Variants in DIP2C observed in about 807,000 individuals in gnomAD.
DIP2C encodes the protein disco-interacting protein 2 homolog C.
A neutral mutation model predicts 192.4 loss-of-function variants in DIP2C; 33 were observed. The observed-to-expected ratio is 0.17, with a 90% CI of 0.13 to 0.23. DIP2C has a LOEUF of 0.23. Ranked by LOEUF, DIP2C falls within the 10% of genes least tolerant of loss-of-function variation. DIP2C has a pLI of 1.00. For synonymous variants in DIP2C, 979 were observed against 864.1 expected (o/e 1.13, Z -2.33); for missense variants, 1,537 against 2,110.1 (o/e 0.73, Z 5.32).
rs1034602514 is a variant in DIP2C, at chr10:349,513, G to C, written c.2986-59C>G. 12 of 1,568,512 alleles carry C rather than the reference G, an allele frequency of 7.7e-6. No individual in the cohort carries two copies. The South Asian group carries it at 1.3e-4, about 18-fold the overall frequency. ...TTCCTTCAGCAGAGCAGCTTGCAGA[G>C]AGCGCGCACGCGTCATACAACTCAC... On this transcript the variant is annotated intron_variant, in intron 24 of 36. Transcript: ENST00000280886.
chr10:569,100 C>T (rs955076431), intron 1 of DIP2C, among the ~76,000 whole-genome samples: 1 of 152,144 alleles, frequency 6.6e-6, no homozygotes, highest in Non-Finnish European at 1.5e-5. Flanking sequence ...GTCTGCAAAC[C>T]ACAATCCCCG....
At chr10:337,516 TGTGTGCGTGC>T (rs1281732091) in intron 29 of DIP2C, among the ~76,000 whole-genome samples, 1 of 136,708 alleles carries the variant, frequency 7.3e-6, no homozygotes, top group Non-Finnish European at 1.6e-5. Context: ...AGTCTGTGTG[TGTGTGCGTGC>T]GTGTGTGTTG....
chr10:650,042 C>G, intron 1 of DIP2C: 1 of 696,614 alleles, frequency 1.4e-6, no homozygotes, highest in Non-Finnish European at 2.6e-6. Context: ...TGAGCCTTTC[C>G]TCCTGCATCT....
chr10:363,371 C>G lies in DIP2C; in HGVS notation c.2478-60G>C. 6.9e-7 allele frequency: 1 copy of G among 1,443,516 alleles called. No homozygotes were observed. The highest frequency in any genetic ancestry group is 9.6e-7 in the Non-Finnish European group (1 of 1,040,448). The allele number at this position is 1,443,516 out of a possible 1,614,324, so 89.4% of individuals were successfully genotyped here. On this transcript the variant is annotated intron_variant, in intron 20 of 36. Transcript: ENST00000280886. This position sits in a 1 kb window ranked among gnomAD's most constrained non-coding sequence, Gnocchi z 5.4. ...GGGGACGCTCATGCAGCCCTCCCTCCGCCATCAGGGGCTCCATAACCATCA... is the reference window on the plus strand; with the variant it reads ...GGGGACGCTCATGCAGCCCTCCCTCGGCCATCAGGGGCTCCATAACCATCA...
intron 10 of DIP2C, among the ~76,000 whole-genome samples, chr10:392,211 G>A (rs1001083441): frequency 4.6e-5 from 7 of 152,206 alleles, no homozygotes; most frequent in Admixed American, 3.9e-4. Flanking sequence ...AGGGGCAGAG[G>A]TGGGGCGACA....
intron 17 of DIP2C, among the ~76,000 whole-genome samples, chr10:376,923 C>T (rs1391632377): frequency 6.6e-6 from 1 of 152,092 alleles, no homozygotes. Context: ...CACAGACTTT[C>T]AAAAACACAA....
intron 1 of DIP2C, among the ~76,000 whole-genome samples, chr10:533,650 C>CAAAA (rs534651561): frequency 8.2e-6 from 1 of 122,622 alleles, no homozygotes; most frequent in Non-Finnish European, 1.8e-5. Context: ...AGATACCTAC[C>CAAAA]AAAAAAAAAA....
At chr10:420,646 C>T (rs1039648716) in intron 5 of DIP2C, among the ~76,000 whole-genome samples, 3 of 152,202 alleles carry the variant, frequency 2.0e-5, no homozygotes, top group Admixed American at 2.0e-4. Flanking sequence ...ATGGGATTTC[C>T]TATCTTATGC....
At chr10:391,046 A>T (rs1220686970) in intron 10 of DIP2C, among the ~76,000 whole-genome samples, 183 bp from the exon 11 acceptor site, 1 of 152,138 alleles carries the variant, frequency 6.6e-6, no homozygotes, top group Non-Finnish European at 1.5e-5. Context: ...CAGTGTCCTC[A>T]CGTGTAAAAC....
chr10:595,028 A>C (rs990793835), intron 1 of DIP2C, among the ~76,000 whole-genome samples: 1 of 152,228 alleles, frequency 6.6e-6, no homozygotes, highest in South Asian at 2.1e-4. Context: ...CCCAAGGTGC[A>C]GTGTGTCCGA....
chr10:657,250 ATGCTGGACCTGT>A (rs1856411783), intron 1 of DIP2C, among the ~76,000 whole-genome samples: 2 of 31,626 alleles, frequency 6.3e-5, no homozygotes, highest in African/African-American at 2.5e-4. Context: ...GCTGGACCTG[ATGCTGGACCTGT>A]CCCTGGACCT....
intron 1 of DIP2C, among the ~76,000 whole-genome samples, chr10:538,888 T>C (rs942794643): frequency 6.6e-6 from 1 of 152,192 alleles, no homozygotes; most frequent in Non-Finnish European, 1.5e-5. Context: ...TGTACATGAC[T>C]ACTAAGAACT....
At chr10:302,505 T>G (rs1956099503) in intron 32 of DIP2C, among the ~76,000 whole-genome samples, 1 of 152,120 alleles carries the variant, frequency 6.6e-6, no homozygotes, top group African/African-American at 2.4e-5. Context: ...GAGGATCATA[T>G]GAAACACTGA....
rs143369440 is a variant in DIP2C at position 509,392 on chromosome 10, C to T, written c.86-22862G>A. Reference sequence around the variant, plus strand: ...AGTATGTGAGCAGCTGGGATTCAACCAGGTCCTTCCCTGGATCCATCCGCG... The same window carrying T: ...AGTATGTGAGCAGCTGGGATTCAACTAGGTCCTTCCCTGGATCCATCCGCG... On this transcript the variant is annotated intron_variant, in intron 1 of 36. Coordinates refer to ENST00000280886, the MANE Select transcript of DIP2C (RefSeq NM_014974.3). 6.2e-3 allele frequency among the ~76,000 whole-genome samples: 947 copies of T among 152,316 alleles called. 9 individuals are homozygous for T. Among genetic ancestry groups the T allele is most frequent in the South Asian group, 8.9e-3 (43 of 4,832 alleles).
chr10:492,662 C>T (rs1472006609), intron 1 of DIP2C, among the ~76,000 whole-genome samples: 4 of 152,188 alleles, frequency 2.6e-5, no homozygotes, highest in African/African-American at 9.7e-5. Context: ...GAAAGAAACA[C>T]ATTTTAGACA....
At chr10:487,217 C>T (rs1844077406) in intron 1 of DIP2C, among the ~76,000 whole-genome samples, 1 of 152,232 alleles carries the variant, frequency 6.6e-6, no homozygotes, top group Non-Finnish European at 1.5e-5. Flanking sequence ...TTCCCATTCA[C>T]AAGCTCCAGC....
chr10:462,643 GAA>G (rs1412293124), intron 3 of DIP2C, among the ~76,000 whole-genome samples: 1 of 152,122 alleles, frequency 6.6e-6, no homozygotes, highest in Non-Finnish European at 1.5e-5. Context: ...CAAAACAATA[GAA>G]AAGAGGGGCT....
chr10:629,925 T>G (rs1418097575), intron 1 of DIP2C: 2 of 152,296 alleles, frequency 1.3e-5, no homozygotes, highest in Admixed American at 6.5e-5. Context: ...GCCGTGGAAG[T>G]GTCCTGGGCT....
intron 6 of DIP2C, among the ~76,000 whole-genome samples, chr10:418,713 T>TA (rs1464708417): frequency 1.3e-5 from 2 of 152,248 alleles, no homozygotes; most frequent in Non-Finnish European, 2.9e-5. Context: ...CTTGCTCTTC[T>TA]AAGTGACTGT....
Sources: allele counts gnomAD v4.1 joint callset (sites outside exome capture counted in the v4.1 genomes callset), GRCh38; gene constraint gnomAD v4.1.1; non-coding constraint Gnocchi (gnomAD v3.1); transcripts MANE v1.5; gene names NCBI Gene and HGNC (gene_info 2026-07-23, HGNC 2026-07-21).